The following FBLN2 variants were observed in gnomAD, a reference collection of about 807,000 sequenced individuals.
FBLN2 encodes fibulin-2.
Under a neutral mutation model 123.7 loss-of-function variants are expected in FBLN2, and 81 were observed. The observed-to-expected ratio is 0.65, with a 90% CI of 0.55 to 0.79. FBLN2 has a LOEUF of 0.79. Ranked by LOEUF, FBLN2 falls within the 30% of genes least tolerant of loss-of-function variation. FBLN2 has a pLI of 0.00. For missense variants in FBLN2, 1,603 were observed against 1,681.3 expected (o/e 0.95, Z 0.81); for synonymous variants, 699 against 701.4 (o/e 1.00, Z 0.05).
intron 2 of FBLN2, among the ~76,000 whole-genome samples, chr3:13,593,036 G>A (rs1191454379): frequency 1.3e-5 from 2 of 152,232 alleles, no homozygotes; most frequent in East Asian, 1.9e-4. Context: ...GAAGCCACAA[G>A]GCCCCTTTGG....
intron 2 of FBLN2, among the ~76,000 whole-genome samples, chr3:13,575,334 A>G (rs1030502540): frequency 4.6e-5 from 7 of 151,860 alleles, no homozygotes; most frequent in Admixed American, 4.6e-4. Flanking sequence ...GCGGCTGTGG[A>G]TGTTTATCTG....
chr3:13,625,629 C>G (rs890517438), intron 9 of FBLN2, among the ~76,000 whole-genome samples: 1 of 151,962 alleles, frequency 6.6e-6, no homozygotes, highest in African/African-American at 2.4e-5. Flanking sequence ...TCCTGCCTCA[C>G]CTTCATCTCA....
intron 2 of FBLN2, among the ~76,000 whole-genome samples, chr3:13,593,343 T>C (rs1334334849): frequency 6.6e-6 from 1 of 152,202 alleles, no homozygotes; most frequent in Non-Finnish European, 1.5e-5. Context: ...AGTTTGTCTC[T>C]GGTAGACAAC....
Position 13,553,763 on chromosome 3 carries a change from G to C in FBLN2, c.-42+4555G>C, listed in dbSNP as rs116710256. Among the ~76,000 whole-genome samples the C allele has an allele frequency of 2.9e-3, 438 of 152,370 alleles. 3 individuals are homozygous for C. The highest frequency in any genetic ancestry group is 9.4e-3 in the African/African-American group (389 of 41,586). Reference sequence around the variant, plus strand: ...TAGGCGGCCAGTGCGTCCCGCCCAGGTCTGTGTGCTGGTGAGGAAGTGGTG... The same window carrying C: ...TAGGCGGCCAGTGCGTCCCGCCCAGCTCTGTGTGCTGGTGAGGAAGTGGTG... On this transcript the variant is annotated intron_variant, in intron 1 of 17. Coordinates refer to ENST00000404922, the MANE Select transcript of FBLN2 (RefSeq NM_001004019.2).
rs1396545399 is a variant in FBLN2 at position 13,619,019 on chromosome 3, T to C, written c.2053+2T>C. The C allele has an allele frequency of 1.6e-5, 26 of 1,605,440 alleles. No homozygotes were observed. Among genetic ancestry groups the C allele is most frequent in the Non-Finnish European group, 2.1e-5 (25 of 1,175,736 alleles). On this transcript the variant is annotated splice_donor_variant, in intron 7 of 17. Transcript: ENST00000404922. LOFTEE classifies it high-confidence loss of function. ...TGCCGCAGCCCAATACCTGCAAAGG[T>C]AAGCAGTGTGGGTGGTGTCTCCAGG...
rs371059687 is a variant in FBLN2, at chr3:13,571,067, C to A, written c.712C>A (p.Pro238Thr). 186 of 1,556,182 alleles carry A rather than the reference C, an allele frequency of 1.2e-4. No homozygotes were observed. The highest frequency in any genetic ancestry group is 1.5e-4 in the Non-Finnish European group (178 of 1,150,610). ...PPAALGGGSQPLSTIQAPPWP... is the reference protein window; with the variant it reads ...PPAALGGGSQTLSTIQAPPWP... Reference sequence around the variant, plus strand: ...AGCTGCTCTGGGAGGTGGGAGTCAGCCACTGTCCACCATCCAGGCACCCCC... The same window carrying A: ...AGCTGCTCTGGGAGGTGGGAGTCAGACACTGTCCACCATCCAGGCACCCCC... The change falls in exon 2 of 18, where the codon CCA becomes ACA. Residue 238 changes from proline (P) to threonine (T), a missense_variant. Transcript: ENST00000404922.
At position 13,571,198 on chromosome 3, in the gene FBLN2, AGAG is replaced by A. The variant is rs748859707; in HGVS notation, c.856_858del (p.Glu286del). On this transcript the variant is annotated inframe_deletion, in exon 2 of 18. Coordinates refer to ENST00000404922, the MANE Select transcript of FBLN2 (RefSeq NM_001004019.2). Reference sequence around the variant, plus strand: ...TGACCGAGGACAGTGAGGAGGAAGAAGAGGAGGAGGAGGAGAGAGAGGAAATGG... The same window carrying A: ...TGACCGAGGACAGTGAGGAGGAAGAAGAGGAGGAGGAGAGAGAGGAAATGG... The A allele has an allele frequency of 3.3e-5, 52 of 1,570,132 alleles. No individual in the cohort carries two copies. In the African/African-American group the frequency reaches 3.7e-4, roughly 11 times the overall value.
chr3:13,574,570 C>T (rs962015072), intron 2 of FBLN2, among the ~76,000 whole-genome samples: 1 of 152,152 alleles, frequency 6.6e-6, no homozygotes, highest in Admixed American at 6.5e-5. Context: ...GGCTCCAGCT[C>T]AAAGACAGGA....
intron 1 of FBLN2, 136 bp downstream of exon 1, chr3:13,549,344 A>C (rs935990162): frequency 1.6e-5 from 7 of 446,242 alleles, no homozygotes; most frequent in Non-Finnish European, 2.1e-5. Context: ...CCGCGCCTCC[A>C]CCCGCGCCGC....
At chr3:13,596,541 A>T (rs929011930) in intron 2 of FBLN2, among the ~76,000 whole-genome samples, 1 of 152,224 alleles carries the variant, frequency 6.6e-6, no homozygotes, top group Non-Finnish European at 1.5e-5. Context: ...TTACACTGCA[A>T]TGCATTTTTA....
chr3:13,606,641 T>C lies in FBLN2; in HGVS notation c.1307-1421T>C, dbSNP rs905698859. Among the ~76,000 whole-genome samples, 12 of 149,218 alleles carry C rather than the reference T, an allele frequency of 8.0e-5. No individual in the cohort carries two copies. In the East Asian group the frequency reaches 2.4e-3, roughly 29 times the overall value. On this transcript the variant is annotated intron_variant, in intron 2 of 17. Coordinates refer to ENST00000404922, the MANE Select transcript of FBLN2 (RefSeq NM_001004019.2). ...CAATTAACACATATTTTATATGTTA[T>C]ATATATTATATACTGTATTTTTTTT...
rs746929723 is a variant in FBLN2 at position 13,629,010 on chromosome 3, G to C, written c.2675G>C (p.Arg892Pro). ...TCQRNPLICA[R>P]GYHASDDGTK... ...CAGAGGAACCCGCTGATCTGCGCGCGCGGCTACCACGCCAGCGATGATGGG... is the reference window on the plus strand; with the variant it reads ...CAGAGGAACCCGCTGATCTGCGCGCCCGGCTACCACGCCAGCGATGATGGG... Residue 892 changes from arginine to proline, a missense_variant, in exon 12 of 18, where the codon CGC becomes CCC. Coordinates refer to ENST00000404922, the MANE Select transcript of FBLN2 (RefSeq NM_001004019.2). The C allele has an allele frequency of 1.9e-6, 3 of 1,613,424 alleles. No individual in the cohort carries two copies. The highest frequency in any genetic ancestry group is 1.7e-6 in the Non-Finnish European group (2 of 1,179,776).
intron 2 of FBLN2, among the ~76,000 whole-genome samples, chr3:13,598,125 T>C (rs1056269995): frequency 6.6e-6 from 1 of 152,204 alleles, no homozygotes; most frequent in African/African-American, 2.4e-5. Flanking sequence ...TGCACCAGCT[T>C]CTACTGCTGA....
chr3:13,570,396 TG>T lies in FBLN2; in HGVS notation c.44del (p.Gly15AlafsTer111). The T allele has an allele frequency of 6.3e-7, 1 of 1,579,298 alleles. No individual in the cohort carries two copies. Among genetic ancestry groups the T allele is most frequent in the Admixed American group, 1.8e-5 (1 of 55,738 alleles). The stretch of plus-strand genomic sequence containing the variant: ...GAGCCTGCAGGAGCCTGGCTTGCTC[TG>T]GGCCTGGCCCTGGCCCTGGGCCCCA... ...LWEPAGAWLA[L>X]GLALALGPSV... On this transcript the variant is annotated frameshift_variant, in exon 2 of 18. Transcript: ENST00000404922. LOFTEE classifies it high-confidence loss of function.
chr3:13,563,306 C>T (rs1019881945), intron 1 of FBLN2, among the ~76,000 whole-genome samples: 13 of 152,198 alleles, frequency 8.5e-5, no homozygotes, highest in Admixed American at 5.9e-4. Flanking sequence ...TGTCTCCCAG[C>T]GGCCACAGGT....
chr3:13,635,998 G>A (rs1306213129), intron 16 of FBLN2, among the ~76,000 whole-genome samples: 2 of 152,102 alleles, frequency 1.3e-5, no homozygotes, highest in African/African-American at 2.4e-5. Flanking sequence ...AGATCTGAGA[G>A]TTAAAAGATG....
chr3:13,559,947 C>T (rs143561810), intron 1 of FBLN2, among the ~76,000 whole-genome samples: 11 of 152,066 alleles, frequency 7.2e-5, no homozygotes, highest in South Asian at 4.1e-4. Context: ...GTGTGTGGAG[C>T]GCCAGGTGGG....
chr3:13,635,472 G>A (rs572993242), intron 16 of FBLN2, among the ~76,000 whole-genome samples: 28 of 152,286 alleles, frequency 1.8e-4, no homozygotes, highest in East Asian at 1.7e-3. Flanking sequence ...GTCTGTTGAC[G>A]TTTATATGTG....
chr3:13,555,648 G>A (rs982424863), intron 1 of FBLN2, among the ~76,000 whole-genome samples: 13 of 152,022 alleles, frequency 8.6e-5, no homozygotes, highest in Non-Finnish European at 1.5e-4. Context: ...TAGAGACGGA[G>A]TTTCACCGTG....
Sources: gnomAD v4.1 joint callset for allele counts (sites outside exome capture counted in the v4.1 genomes callset) on GRCh38, gnomAD v4.1.1 for gene constraint, MANE v1.5 for transcripts, NCBI Gene and HGNC (gene_info 2026-07-23, HGNC 2026-07-21) for gene names.